Variants in ARFGEF3 observed in about 807,000 individuals in gnomAD.
The protein encoded by ARFGEF3 is ARFGEF family member 3.
A neutral mutation model predicts 221.7 loss-of-function variants in ARFGEF3; 96 were observed. The observed-to-expected ratio is 0.43, with a 90% CI of 0.37 to 0.51. The LOEUF is 0.51. ARFGEF3 is among the 20% of genes least tolerant of loss of function. The pLI is 0.00. For synonymous variants in ARFGEF3, 1,145 were observed against 1,126.8 expected (o/e 1.02, Z -0.32); for missense variants, 2,410 against 2,789.9 (o/e 0.86, Z 3.07).
Position 138,336,294 on chromosome 6 carries a change from G to T in ARFGEF3, c.6343-1G>T. The T allele has an allele frequency of 6.5e-7, 1 of 1,539,700 alleles. No homozygotes were observed. Among genetic ancestry groups the T allele is most frequent in the Admixed American group, 2.0e-5 (1 of 51,038 alleles). On this transcript the variant is annotated splice_acceptor_variant, in intron 33 of 33. Coordinates refer to ENST00000251691, the MANE Select transcript of ARFGEF3 (RefSeq NM_020340.5). LOFTEE classifies it high-confidence loss of function. ...TGATTTTCTTAAATCTTTTCTCTTA[G>T]GCATGGACCAACATGGTGCTAACAG...
chr6:138,300,052 T>TA (rs1419064507), intron 22 of ARFGEF3, among the ~76,000 whole-genome samples: 2 of 151,406 alleles, frequency 1.3e-5, no homozygotes, highest in East Asian at 3.9e-4. Context: ...TCAGTATTTT[T>TA]AAAAAAGTCA....
At chr6:138,259,379 C>G (rs1290996317) in intron 10 of ARFGEF3, among the ~76,000 whole-genome samples, 2 of 152,208 alleles carry the variant, frequency 1.3e-5, no homozygotes, top group Non-Finnish European at 2.9e-5. Context: ...CCCTTTTCTG[C>G]TTCTGATTTC....
chr6:138,212,684 T>C (rs1351633789), intron 4 of ARFGEF3, among the ~76,000 whole-genome samples: 1 of 152,184 alleles, frequency 6.6e-6, no homozygotes, highest in African/African-American at 2.4e-5. Context: ...CACTATGGAA[T>C]ACTATGCAGC....
chr6:138,281,161 G>A (rs185859012), intron 14 of ARFGEF3, among the ~76,000 whole-genome samples: 224 of 152,194 alleles, frequency 1.5e-3, no homozygotes, highest in Admixed American at 4.7e-3. Context: ...TAACAAGGGC[G>A]GTGCCAGTTT....
intron 12 of ARFGEF3, among the ~76,000 whole-genome samples, chr6:138,271,587 T>A (rs1779003750): frequency 6.6e-6 from 1 of 152,108 alleles, no homozygotes. Flanking sequence ...GAGACACAGG[T>A]TAAGTAATAA....
rs1779169970 is a variant in ARFGEF3 at position 138,280,116 on chromosome 6, T to G, written c.2413T>G (p.Trp805Gly). ...GAACATGCTTGGAGAGGCTGGCTATTGGGGCAGCCCAGAAGATAACAGCCT... is the reference window on the plus strand; with the variant it reads ...GAACATGCTTGGAGAGGCTGGCTATGGGGGCAGCCCAGAAGATAACAGCCT... ...DRNMLGEAGY[W>G]GSPEDNSLPL... The change falls in exon 14 of 34, where the codon TGG becomes GGG. Residue 805 changes from tryptophan to glycine, a missense_variant. Coordinates refer to ENST00000251691, the MANE Select transcript of ARFGEF3 (RefSeq NM_020340.5). 1.2e-6 allele frequency: 2 copies of G among 1,613,876 alleles called. No homozygotes were observed. Among genetic ancestry groups the G allele is most frequent in the Non-Finnish European group, 1.7e-6 (2 of 1,179,766 alleles).
intron 17 of ARFGEF3, among the ~76,000 whole-genome samples, chr6:138,288,065 G>A (rs976194231): frequency 6.6e-5 from 10 of 151,800 alleles, no homozygotes; most frequent in South Asian, 4.2e-4. Flanking sequence ...CCAAGACCAC[G>A]ATATTCAGAT....
intron 21 of ARFGEF3, 124 bp from the exon 22 acceptor site, chr6:138,298,482 G>GGA: frequency 1.4e-6 from 1 of 697,742 alleles, no homozygotes; most frequent in Non-Finnish European, 2.3e-6. Flanking sequence ...CCCTTAGAAT[G>GGA]TTTTGATTTT....
intron 2 of ARFGEF3, among the ~76,000 whole-genome samples, chr6:138,190,044 A>G (rs1179512104): frequency 6.6e-6 from 1 of 152,064 alleles, no homozygotes; most frequent in Admixed American, 6.6e-5. Flanking sequence ...TGATTGAGCC[A>G]CTGCACTCTA....
At chr6:138,293,410 A>C (rs1177688433) in intron 19 of ARFGEF3, among the ~76,000 whole-genome samples, 1 of 152,164 alleles carries the variant, frequency 6.6e-6, no homozygotes, top group Non-Finnish European at 1.5e-5. Context: ...GGGAAAGAAA[A>C]AGAACCTGTA....
intron 2 of ARFGEF3, among the ~76,000 whole-genome samples, chr6:138,185,061 A>G (rs1430134987): frequency 6.6e-6 from 1 of 152,222 alleles, no homozygotes; most frequent in Non-Finnish European, 1.5e-5. Context: ...CTGACTAGGT[A>G]TAGGATCTGC....
rs184294398 is a variant in ARFGEF3 at position 138,259,000 on chromosome 6, G to C, written c.1105-2527G>C. On this transcript the variant is annotated intron_variant, in intron 10 of 33. Transcript: ENST00000251691. ...TTATCTGTTCATCGTAGATGTTCTA[G>C]CTTCCCAAGGTCATTTTGCAGAGAT... is the stretch of plus-strand genomic sequence containing the variant. 6.0e-4 allele frequency among the ~76,000 whole-genome samples: 92 copies of C among 152,300 alleles called. 1 individual carries two copies. Among genetic ancestry groups the C allele is most frequent in the Non-Finnish European group, 9.7e-4 (66 of 68,020 alleles).
chr6:138,228,968 A>T lies in ARFGEF3; in HGVS notation c.352-816A>T, dbSNP rs867050987. ...GCCTCTTACCTACAAATTGAGAAGC[A>T]GTTCTTAAAATGCCACAGGCTTTTA... On this transcript the variant is annotated intron_variant, in intron 4 of 33. Coordinates refer to ENST00000251691, the MANE Select transcript of ARFGEF3 (RefSeq NM_020340.5). Among the ~76,000 whole-genome samples, 6 of 152,264 alleles carry T rather than the reference A, an allele frequency of 3.9e-5. No individual in the cohort carries two copies. In the South Asian group the frequency reaches 1.2e-3, roughly 31 times the overall value.
chr6:138,186,811 G>T (rs1777193389), intron 2 of ARFGEF3, among the ~76,000 whole-genome samples: 2 of 149,204 alleles, frequency 1.3e-5, no homozygotes, highest in Admixed American at 1.3e-4. Context: ...AAAAGGGCCT[G>T]TTTCCTTAGA....
At chr6:138,266,388 G>C (rs1167609184) in intron 12 of ARFGEF3, among the ~76,000 whole-genome samples, 1 of 151,974 alleles carries the variant, frequency 6.6e-6, no homozygotes, top group Non-Finnish European at 1.5e-5. Flanking sequence ...AGAAGGGAAA[G>C]GGTCTCACTG....
chr6:138,321,980 CA>C (rs1322113022), intron 29 of ARFGEF3, among the ~76,000 whole-genome samples: 1 of 152,134 alleles, frequency 6.6e-6, no homozygotes, highest in Non-Finnish European at 1.5e-5. Flanking sequence ...TGGTGGCAGG[CA>C]AAGAGAGAGC....
chr6:138,279,984 G>T lies in ARFGEF3; in HGVS notation c.2296-15G>T, dbSNP rs187106368. 34 of 1,613,520 alleles carry T rather than the reference G, an allele frequency of 2.1e-5. No homozygotes were observed. The highest frequency in any genetic ancestry group is 3.3e-4 in the Middle Eastern group (2 of 6,058). ...GGGTGTTATGTGGTCACCTTCTCAT[G>T]CGATCTCTCTGTAGAAGGACTTCAT... On this transcript the variant is annotated splice_polypyrimidine_tract_variant and intron_variant, in intron 13 of 33. Transcript: ENST00000251691.
intron 2 of ARFGEF3, among the ~76,000 whole-genome samples, chr6:138,197,751 C>T (rs1329129181): frequency 4.6e-5 from 7 of 152,206 alleles, no homozygotes. Flanking sequence ...AGTGCCTGAG[C>T]TCTCAGCACG....
At chr6:138,220,059 A>G (rs2114516747) in intron 4 of ARFGEF3, among the ~76,000 whole-genome samples, 1 of 152,012 alleles carries the variant, frequency 6.6e-6, no homozygotes, top group East Asian at 1.9e-4. Context: ...CACCCAGGCT[A>G]GAGCTCAGTG....
Sources: gnomAD v4.1 joint callset for allele counts (sites outside exome capture counted in the v4.1 genomes callset) on GRCh38, gnomAD v4.1.1 for gene constraint, MANE v1.5 for transcripts, NCBI Gene and HGNC (gene_info 2026-07-23, HGNC 2026-07-21) for gene names.